ZNHIT6: variants seen among roughly 807,000 people sequenced by gnomAD.
ZNHIT6 encodes zinc finger HIT-type containing 6.
Under a neutral mutation model 57.2 loss-of-function variants are expected in ZNHIT6, and 45 were observed. That is an observed-to-expected ratio of 0.79 (90% CI 0.62 to 1.01). The LOEUF (loss-of-function observed/expected upper bound fraction) is 1.01, where lower values mean the gene tolerates loss of function less well. Ranked by LOEUF, ZNHIT6 falls within the 50% of genes least tolerant of loss-of-function variation. ZNHIT6 has a pLI of 0.00. For synonymous variants in ZNHIT6, 188 were observed against 190.0 expected (o/e 0.99, Z 0.09); for missense variants, 528 against 567.3 (o/e 0.93, Z 0.70).
At chr1:85,656,069 T>C (rs1661052206) in intron 9 of ZNHIT6, among the ~76,000 whole-genome samples, 1 of 152,178 alleles carries the variant, frequency 6.6e-6, no homozygotes, top group Non-Finnish European at 1.5e-5. Flanking sequence ...GAAAATGCCC[T>C]CTTCTTACAT....
chr1:85,664,502 T>C (rs1189599397), intron 8 of ZNHIT6, among the ~76,000 whole-genome samples: 1 of 152,196 alleles, frequency 6.6e-6, no homozygotes, highest in Admixed American at 6.5e-5. Context: ...CTCCTGAATC[T>C]TCATGCATTA....
chr1:85,663,625 G>A (rs924899225), intron 8 of ZNHIT6, among the ~76,000 whole-genome samples: 3 of 152,144 alleles, frequency 2.0e-5, no homozygotes, highest in African/African-American at 7.2e-5. Flanking sequence ...AACAGCTATT[G>A]CATTCATTGG....
chr1:85,707,558 G>A, intron 1 of ZNHIT6, 71 bp downstream of exon 1: 2 of 1,443,696 alleles, frequency 1.4e-6, no homozygotes, highest in Non-Finnish European at 1.9e-6. Context: ...TCCTGATAGT[G>A]TGGTTTCCTT....
rs557413942 is a variant in ZNHIT6, at chr1:85,701,911, A to G, written c.1019+246T>C. Among the ~76,000 whole-genome samples the G allele has an allele frequency of 6.0e-5, 9 of 150,882 alleles. No homozygotes were observed. The South Asian group carries it at 1.9e-3, about 32-fold the overall frequency. ...GCCTAGGTGACTGGTATGCACATTA[A>G]TGTTTGAGAAGCTTCTCAAATGATA... On this transcript the variant is annotated intron_variant, in intron 5 of 9. Coordinates refer to ENST00000370574, the MANE Select transcript of ZNHIT6 (RefSeq NM_017953.4).
At chr1:85,697,532 T>C (rs1570329025) in intron 5 of ZNHIT6, among the ~76,000 whole-genome samples, 1 of 152,204 alleles carries the variant, frequency 6.6e-6, no homozygotes, top group African/African-American at 2.4e-5. Context: ...CTTGATCATA[T>C]ACCAGCAAAC....
chr1:85,687,306 A>AAAC (rs1662087698), intron 5 of ZNHIT6, among the ~76,000 whole-genome samples: 1 of 144,408 alleles, frequency 6.9e-6, no homozygotes, highest in African/African-American at 2.5e-5. Context: ...AAACAAAAAA[A>AAAC]AAAAACAATT....
At chr1:85,701,680 G>T (rs928990949) in intron 5 of ZNHIT6, among the ~76,000 whole-genome samples, 1 of 152,098 alleles carries the variant, frequency 6.6e-6, no homozygotes, top group African/African-American at 2.4e-5. Context: ...TACTCGTTTT[G>T]TCCTGGAAGC....
rs111710436 is a variant in ZNHIT6, at chr1:85,708,085, C to T, written c.200G>A (p.Arg67Lys). ...IGDGEEGSGQ[R>K]PEEIPMDLTV... is the part of the protein sequence containing the mutation. ...TAGGTCCATCGGTATTTCCTCTGGCCTTTGTCCACTTCCTTCCTCTCCATC... is the reference window on the plus strand; with the variant it reads ...TAGGTCCATCGGTATTTCCTCTGGCTTTTGTCCACTTCCTTCCTCTCCATC... The change falls in exon 1 of 10, where the codon AGG (arginine) becomes AAG (lysine). Residue 67 changes from arginine (R) to lysine (K), a missense_variant. Arg to Lys is a conservative substitution (Grantham distance 26). Transcript: ENST00000370574. The T allele has an allele frequency of 1.9e-6, 3 of 1,614,048 alleles. No individual in the cohort carries two copies. The highest frequency in any genetic ancestry group is 1.3e-5 in the African/African-American group (1 of 74,992).
At chr1:85,667,961 A>AAAAAAAAAAAAATGTATATATAT in intron 8 of ZNHIT6, among the ~76,000 whole-genome samples, 3 of 18,202 alleles carry the variant, frequency 1.6e-4, no homozygotes, top group Non-Finnish European at 3.0e-4. Context: ...AAAAAAAAAA[A>AAAAAAAAAAAAATGTATATATAT]ATATATATAT....
At chr1:85,682,778 A>G (rs1448285371) in intron 5 of ZNHIT6, among the ~76,000 whole-genome samples, 1 of 152,248 alleles carries the variant, frequency 6.6e-6, no homozygotes, top group Non-Finnish European at 1.5e-5. Flanking sequence ...ACCCATATTC[A>G]GATTTAACTC....
In ZNHIT6 at chr1:85,706,433, C is replaced by T. The variant is rs763990335; in HGVS notation, c.722+9G>A. On this transcript the variant is annotated intron_variant, in intron 2 of 9. Transcript: ENST00000370574. ...ATACAGGTTAAAAGGTAGGAAGTTA[C>T]ATGTATACCTGCAGGAATATCGCAT... is the stretch of plus-strand genomic sequence containing the variant. 1.2e-6 allele frequency: 2 copies of T among 1,612,860 alleles called. No individual in the cohort carries two copies. Among genetic ancestry groups the T allele is most frequent in the Middle Eastern group, 1.7e-4 (1 of 6,050 alleles).
chr1:85,674,573 A>C (rs944779871), intron 8 of ZNHIT6, among the ~76,000 whole-genome samples: 2 of 152,222 alleles, frequency 1.3e-5, no homozygotes, highest in African/African-American at 2.4e-5. Context: ...AAATCCTAAA[A>C]TCAATTCCAC....
rs551193821 is a variant in ZNHIT6, at chr1:85,699,633, G to A, written c.1019+2524C>T. On this transcript the variant is annotated intron_variant, in intron 5 of 9. Transcript: ENST00000370574. ...CTTGATGAAAGTACAAAGTGGTAAT[G>A]TTTTATGGAGACAATGTAGAGTTTT... 4.3e-4 allele frequency among the ~76,000 whole-genome samples: 66 copies of A among 152,234 alleles called. 1 individual carries two copies. Among genetic ancestry groups the A allele is most frequent in the African/African-American group, 1.5e-3 (62 of 41,560 alleles).
At chr1:85,692,754 C>A (rs1338882349) in intron 5 of ZNHIT6, among the ~76,000 whole-genome samples, 2 of 149,210 alleles carry the variant, frequency 1.3e-5, no homozygotes, top group Admixed American at 1.3e-4. Flanking sequence ...TTTAGAAGTA[C>A]ATTACCACAT....
At chr1:85,667,961 A>AAAAAAAAAAAAATGTATATATATATAT in intron 8 of ZNHIT6, among the ~76,000 whole-genome samples, 17 of 18,198 alleles carry the variant, frequency 9.3e-4, no homozygotes, top group East Asian at 1.7e-3. Flanking sequence ...AAAAAAAAAA[A>AAAAAAAAAAAAATGTATATATATATAT]ATATATATAT....
intron 8 of ZNHIT6, among the ~76,000 whole-genome samples, chr1:85,674,010 C>T (rs1661634655): frequency 1.3e-5 from 2 of 152,094 alleles, no homozygotes; most frequent in Admixed American, 1.3e-4. Context: ...TATAAAGATG[C>T]CCTATGCCAA....
chr1:85,699,174 C>A (rs1476826392), intron 5 of ZNHIT6, among the ~76,000 whole-genome samples: 1 of 152,070 alleles, frequency 6.6e-6, no homozygotes, highest in Non-Finnish European at 1.5e-5. Flanking sequence ...GAACAGAATT[C>A]TTTGAAAAAA....
intron 8 of ZNHIT6, among the ~76,000 whole-genome samples, chr1:85,664,923 T>A (rs548271632): frequency 4.4e-4 from 67 of 152,198 alleles, no homozygotes; most frequent in African/African-American, 1.6e-3. Context: ...TCTCTGCTTC[T>A]CGGGTTCAAG....
rs1660885977 is a variant in ZNHIT6, at chr1:85,650,895, A to G, written c.*3163T>C. 6.6e-6 allele frequency: 1 copy of G among 152,200 alleles called. No homozygotes were observed. Among genetic ancestry groups the G allele is most frequent in the Non-Finnish European group, 1.5e-5 (1 of 68,042 alleles). 9.4% of individuals were successfully genotyped at this position (152,200 alleles called of 1,614,324 possible). ...TGGGATCTATCTGCCCCCATGACCC[A>G]AACACCTTCCATTAGGCTCTGCCTC... On this transcript the variant is annotated 3_prime_UTR_variant, in exon 10 of 10. Coordinates refer to ENST00000370574, the MANE Select transcript of ZNHIT6 (RefSeq NM_017953.4).
Sources: gnomAD v4.1 joint callset for allele counts (sites outside exome capture counted in the v4.1 genomes callset) on GRCh38, gnomAD v4.1.1 for gene constraint, MANE v1.5 for transcripts, NCBI Gene and HGNC (gene_info 2026-07-23, HGNC 2026-07-21) for gene names.